RBM6: variants seen among roughly 807,000 people sequenced by gnomAD.
RBM6 encodes the protein RNA binding motif protein 6, also known as RNA-binding protein 6.
In RBM6, 23 loss-of-function variants were observed where a neutral mutation model predicts 140.4. That is an observed-to-expected ratio of 0.16 (90% CI 0.12 to 0.23). The LOEUF is 0.23. Ranked by LOEUF, RBM6 falls within the 10% of genes least tolerant of loss-of-function variation. The pLI, the probability that RBM6 is intolerant of heterozygous loss-of-function variation, is 1.00. For synonymous variants in RBM6, 439 were observed against 475.6 expected, an observed-to-expected ratio of 0.92 and a Z score of 1.00; for missense variants, 1,139 against 1,386.7, an observed-to-expected ratio of 0.82 and a Z score of 2.84.
intron 7 of RBM6, among the ~76,000 whole-genome samples, chr3:50,051,581 C>T (rs1243886427): frequency 1.3e-5 from 2 of 152,136 alleles, no homozygotes; most frequent in Non-Finnish European, 2.9e-5. Context: ...GCAGAGGTTG[C>T]GGTGAGCTGA....
At chr3:49,944,572 T>A (rs2083408409) in intron 1 of RBM6, among the ~76,000 whole-genome samples, 1 of 149,982 alleles carries the variant, frequency 6.7e-6, no homozygotes, top group Non-Finnish European at 1.5e-5. Context: ...GCCTCCTGGG[T>A]TCAAGGCATT....
At position 49,967,423 on chromosome 3, in the gene RBM6, T is replaced by C. The variant is rs1166033294; in HGVS notation, c.45-47T>C. 1 of 1,494,736 alleles carries C rather than the reference T, an allele frequency of 6.7e-7. No individual in the cohort carries two copies. Among genetic ancestry groups the C allele is most frequent in the Non-Finnish European group, 9.0e-7 (1 of 1,115,348 alleles). 92.6% of individuals were successfully genotyped at this position (1,494,736 alleles called of 1,614,324 possible). ...GAGAAGAATATGCTGGTGTGTAGAT[T>C]TCAAACTCTCTGGACAATATGAATA... On this transcript the variant is annotated intron_variant, in intron 2 of 20. Transcript: ENST00000266022. This position sits in a 1 kb window ranked among gnomAD's most constrained non-coding sequence, Gnocchi z 4.0.
intron 1 of RBM6, among the ~76,000 whole-genome samples, chr3:49,945,974 G>A (rs2083469061): frequency 4.0e-5 from 6 of 151,546 alleles, no homozygotes; most frequent in Admixed American, 4.0e-4. Flanking sequence ...CTGGATACCA[G>A]GAGTGCGTGT....
At chr3:50,074,541 G>A (rs1468481677) in intron 19 of RBM6, among the ~76,000 whole-genome samples, 1 of 152,020 alleles carries the variant, frequency 6.6e-6, no homozygotes, top group Middle Eastern at 3.2e-3. Flanking sequence ...GGCTGGTCAC[G>A]AACTCCCAAC....
intron 6 of RBM6, among the ~76,000 whole-genome samples, chr3:50,008,751 A>ATG (rs959861843): frequency 8.6e-5 from 13 of 151,998 alleles, no homozygotes; most frequent in African/African-American, 3.1e-4. Flanking sequence ...GGGTTTCACC[A>ATG]TGTTGGCCAG....
chr3:49,975,222 C>G, intron 4 of RBM6, 101 bp from the exon 5 acceptor site: 1 of 1,039,360 alleles, frequency 9.6e-7, no homozygotes. Flanking sequence ...CCAAAGTAAT[C>G]ATGGCTTTAA....
At chr3:49,957,682 A>C (rs974405343) in intron 1 of RBM6, among the ~76,000 whole-genome samples, 3 of 152,140 alleles carry the variant, frequency 2.0e-5, no homozygotes, top group African/African-American at 7.2e-5. Flanking sequence ...ACATCTTTGT[A>C]AATCGTATCT....
At chr3:50,024,172 A>G (rs781392097) in intron 6 of RBM6, among the ~76,000 whole-genome samples, 11 of 152,230 alleles carry the variant, frequency 7.2e-5, no homozygotes, top group Non-Finnish European at 1.6e-4. Context: ...GGCTCTATTG[A>G]TGATGTAAAT....
intron 5 of RBM6, among the ~76,000 whole-genome samples, chr3:49,980,062 G>A (rs1007241471): frequency 6.6e-6 from 1 of 151,586 alleles, no homozygotes; most frequent in Non-Finnish European, 1.5e-5. Context: ...GCGTAATGGC[G>A]CGATCTCAGC....
chr3:49,984,655 C>CGCATT (rs2085480104), intron 5 of RBM6, among the ~76,000 whole-genome samples: 1 of 143,990 alleles, frequency 6.9e-6, no homozygotes, highest in Non-Finnish European at 1.5e-5. Context: ...CGCATCGCAT[C>CGCATT]GCATCGCATT....
At chr3:50,069,291 T>A (rs561667730) in intron 18 of RBM6, among the ~76,000 whole-genome samples, 8 of 152,066 alleles carry the variant, frequency 5.3e-5, no homozygotes, top group Non-Finnish European at 1.0e-4. Context: ...GACGGGCGGA[T>A]CACTTGAGCT....
intron 17 of RBM6, among the ~76,000 whole-genome samples, chr3:50,067,716 A>G (rs927164170): frequency 2.6e-5 from 4 of 152,242 alleles, no homozygotes; most frequent in African/African-American, 7.2e-5. Flanking sequence ...GGACAAATAA[A>G]GTCCCTAAAT....
At chr3:49,969,255 C>G (rs982460529) in intron 3 of RBM6, among the ~76,000 whole-genome samples, 1 of 149,672 alleles carries the variant, frequency 6.7e-6, no homozygotes, top group Non-Finnish European at 1.5e-5. Context: ...GAACTCCTGA[C>G]CTCGTGATCC....
chr3:49,947,003 C>G lies in RBM6; in HGVS notation c.-67+6778C>G, dbSNP rs535928994. ...ATTCTCTTTTGGAGAAGTATCTATT[C>G]ATGTCTTTTGTTGACCATTTTAAAA... On this transcript the variant is annotated intron_variant, in intron 1 of 20. Transcript: ENST00000266022. Among the ~76,000 whole-genome samples, 9 of 148,470 alleles carry G rather than the reference C, an allele frequency of 6.1e-5. No individual in the cohort carries two copies. The East Asian group carries it at 1.8e-3, about 29-fold the overall frequency.
chr3:49,959,571 GTT>G (rs551329901), intron 1 of RBM6, among the ~76,000 whole-genome samples: 153 of 114,172 alleles, frequency 1.3e-3, no homozygotes, highest in Non-Finnish European at 2.2e-3. Flanking sequence ...TATATTTAGG[GTT>G]TTTTTTTTTT....
intron 6 of RBM6, among the ~76,000 whole-genome samples, chr3:50,020,356 T>C (rs1019737747): frequency 1.3e-5 from 2 of 152,212 alleles, no homozygotes; most frequent in East Asian, 1.9e-4. Flanking sequence ...ATTTACTGTT[T>C]TCAATTTCAT....
intron 1 of RBM6, among the ~76,000 whole-genome samples, chr3:49,957,991 G>A (rs921632377): frequency 4.6e-5 from 7 of 152,000 alleles, no homozygotes; most frequent in African/African-American, 1.4e-4. Flanking sequence ...GCCACCACAC[G>A]TGGCTGATTT....
chr3:50,048,023 A>G (rs1250677319), intron 6 of RBM6, among the ~76,000 whole-genome samples: 1 of 152,184 alleles, frequency 6.6e-6, no homozygotes, highest in Non-Finnish European at 1.5e-5. Context: ...AAGGCCGAAG[A>G]CTGATTTCAC....
Position 49,986,332 on chromosome 3 carries a change from C to T in RBM6, c.1483+10940C>T, listed in dbSNP as rs899312597. Among the ~76,000 whole-genome samples, 24 of 151,450 alleles carry T rather than the reference C, an allele frequency of 1.6e-4. 1 individual carries two copies. Among genetic ancestry groups the T allele is most frequent in the Middle Eastern group, 6.8e-3 (2 of 292 alleles). On this transcript the variant is annotated intron_variant, in intron 5 of 20. Transcript: ENST00000266022. ...TAAACTGGCCTGGTGCGGTGGCTCA[C>T]GCGTGTGATCCCAGCACTTTGGGAG...
Sources: gnomAD v4.1 joint callset for allele counts (sites outside exome capture counted in the v4.1 genomes callset) on GRCh38, gnomAD v4.1.1 for gene constraint, Gnocchi (gnomAD v3.1) non-coding constraint, MANE v1.5 for transcripts, NCBI Gene and HGNC (gene_info 2026-07-23, HGNC 2026-07-21) for gene names.